VOPP1: variants seen among roughly 807,000 people sequenced by gnomAD.
VOPP1 encodes VOPP1 WW domain binding protein, also known as WW domain binding protein VOPP1.
In VOPP1, 8 loss-of-function variants were observed where a neutral mutation model predicts 23.5. That is an observed-to-expected ratio of 0.34 (90% CI 0.20 to 0.61). VOPP1 has a LOEUF of 0.61. Among genes scored for constraint, VOPP1 ranks in the 20% least tolerant of loss-of-function variants. The pLI, the probability that VOPP1 is intolerant of heterozygous loss-of-function variation, is 0.78. For missense variants in VOPP1, 174 were observed against 238.1 expected (o/e 0.73, Z 1.77); for synonymous variants, 83 against 97.3 (o/e 0.85, Z 0.86).
chr7:55,457,151 A>G (rs1668830096), intron 4 of VOPP1, among the ~76,000 whole-genome samples: 1 of 151,862 alleles, frequency 6.6e-6, no homozygotes, highest in Non-Finnish European at 1.5e-5. Context: ...GCATGAGATC[A>G]CCTTTTTTAG....
chr7:55,523,015 C>T (rs1271347254), intron 1 of VOPP1, among the ~76,000 whole-genome samples: 1 of 152,206 alleles, frequency 6.6e-6, no homozygotes, highest in African/African-American at 2.4e-5. Context: ...AATACCACTT[C>T]ACAAATTAAG....
chr7:55,479,072 A>G (rs914624866), intron 4 of VOPP1, among the ~76,000 whole-genome samples: 1 of 151,538 alleles, frequency 6.6e-6, no homozygotes, highest in Non-Finnish European at 1.5e-5. Flanking sequence ...ATTCTTTCTT[A>G]TTTTTGAAGC....
intron 4 of VOPP1, among the ~76,000 whole-genome samples, chr7:55,449,291 C>A (rs903802544): frequency 6.6e-6 from 1 of 152,184 alleles, no homozygotes; most frequent in African/African-American, 2.4e-5. Context: ...CCCGGATGGA[C>A]CGGGACGCCG....
chr7:55,507,741 G>A (rs1794824725), intron 2 of VOPP1, among the ~76,000 whole-genome samples: 1 of 152,190 alleles, frequency 6.6e-6, no homozygotes, highest in Admixed American at 6.5e-5. Flanking sequence ...CTCCTGGCCT[G>A]ACATGGTTTC....
At chr7:55,552,961 G>C in intron 1 of VOPP1, 2 of 561,312 alleles carry the variant, frequency 3.6e-6, no homozygotes, top group South Asian at 5.4e-5. Flanking sequence ...TGTAGGAAAA[G>C]ACATGCAACC....
chr7:55,483,110 T>C (rs1225300285), intron 4 of VOPP1, among the ~76,000 whole-genome samples: 6 of 152,186 alleles, frequency 3.9e-5, no homozygotes, highest in South Asian at 4.1e-4. Flanking sequence ...AATGCTGAAC[T>C]TGTATGACTG....
At chr7:55,563,236 T>C (rs1562633225) in intron 1 of VOPP1, among the ~76,000 whole-genome samples, 1 of 152,164 alleles carries the variant, frequency 6.6e-6, no homozygotes, top group African/African-American at 2.4e-5. Context: ...CTTTCAAGCA[T>C]AAATATATAT....
rs142805481 is a variant in VOPP1, at chr7:55,446,023, C to T, written n.418-9849G>A. Among the ~76,000 whole-genome samples the T allele has an allele frequency of 9.4e-3, 1,352 of 143,602 alleles. 21 individuals carry two copies. The highest frequency in any genetic ancestry group is 0.031 in the African/African-American group (1,198 of 38,322). 94.2% of individuals were successfully genotyped at this position (143,602 alleles called of 152,430 possible). On this transcript the variant is annotated intron_variant and non_coding_transcript_variant, in intron 4 of 4. Transcript: ENST00000462326. ...TTTTTTTTTTTTTGAGACGGAGTCT[C>T]GCTCTGTCGCCCAGCCTGGAGTGCA... is the stretch of plus-strand genomic sequence containing the variant.
chr7:55,524,039 T>C (rs1796027611), intron 1 of VOPP1, among the ~76,000 whole-genome samples: 1 of 152,154 alleles, frequency 6.6e-6, no homozygotes. Flanking sequence ...CTAAGCAGGG[T>C]AGATGCCTGT....
At chr7:55,531,843 T>C (rs1796515687) in intron 1 of VOPP1, among the ~76,000 whole-genome samples, 1 of 152,192 alleles carries the variant, frequency 6.6e-6, no homozygotes. Context: ...AACTGAGATA[T>C]GTACCAAAAG....
intron 4 of VOPP1, among the ~76,000 whole-genome samples, chr7:55,462,120 C>T (rs552184577): frequency 5.9e-5 from 9 of 152,256 alleles, no homozygotes; most frequent in Admixed American, 2.6e-4. Flanking sequence ...AGTGTTCTTG[C>T]GTGACAGTTT....
intron 2 of VOPP1, among the ~76,000 whole-genome samples, chr7:55,501,885 C>A (rs1794393962): frequency 2.0e-5 from 3 of 152,208 alleles, no homozygotes; most frequent in African/African-American, 7.2e-5. Context: ...GTGTGTCTCT[C>A]TCTCGGGTTT....
chr7:55,572,007 C>A, intron 1 of VOPP1: 1 of 403,800 alleles, frequency 2.5e-6, no homozygotes, highest in Non-Finnish European at 4.5e-6. Context: ...AGGCGGTCGG[C>A]GCGGGAAACG....
At chr7:55,441,932 G>A (rs892819029) in intron 4 of VOPP1, among the ~76,000 whole-genome samples, 5 of 152,170 alleles carry the variant, frequency 3.3e-5, no homozygotes, top group Non-Finnish European at 7.3e-5. Context: ...TGTTCCCAGT[G>A]GCCTACTCAA....
intron 4 of VOPP1, among the ~76,000 whole-genome samples, chr7:55,439,883 C>T (rs1790922651): frequency 6.6e-6 from 1 of 152,222 alleles, no homozygotes; most frequent in African/African-American, 2.4e-5. Context: ...TGCCAGAGAG[C>T]ACCAAGTGGA....
chr7:55,548,434 G>A (rs1018280581), intron 1 of VOPP1, among the ~76,000 whole-genome samples: 10 of 152,290 alleles, frequency 6.6e-5, no homozygotes, highest in East Asian at 3.9e-4. Context: ...GGGATACCCC[G>A]GGGGATCCCT....
At chr7:55,469,912 A>G (rs567687382), downstream of VOPP1, among the ~76,000 whole-genome samples, 51 of 152,252 alleles carry the variant, frequency 3.3e-4, no homozygotes, top group African/African-American at 1.2e-3. Context: ...TAAACCAAGC[A>G]CTGTGGCTCA....
chr7:55,443,923 A>G (rs956320720), intron 4 of VOPP1, among the ~76,000 whole-genome samples: 7 of 152,136 alleles, frequency 4.6e-5, no homozygotes, highest in African/African-American at 7.2e-5. Context: ...GATTACATGC[A>G]TGAGCCACCA....
At chr7:55,508,405 A>C (rs543345672) in intron 2 of VOPP1, among the ~76,000 whole-genome samples, 1,671 of 152,266 alleles carry the variant, frequency 0.011, 11 homozygotes, top group Middle Eastern at 0.02. Flanking sequence ...GTAGCTAAAA[A>C]TACAGGTGCA....
Sources: gnomAD v4.1 joint callset for allele counts (sites outside exome capture counted in the v4.1 genomes callset) on GRCh38, gnomAD v4.1.1 for gene constraint, MANE v1.5 for transcripts, NCBI Gene and HGNC (gene_info 2026-07-23, HGNC 2026-07-21) for gene names.